PALM2AKAP2: variants seen among roughly 807,000 people sequenced by gnomAD.
PALM2AKAP2 encodes PALM2 and AKAP2 fusion, also known as PALM2-AKAP2 fusion protein.
A neutral mutation model predicts 71.5 loss-of-function variants in PALM2AKAP2; 37 were observed. The observed-to-expected ratio is 0.52, with a 90% CI of 0.40 to 0.68. The LOEUF (loss-of-function observed/expected upper bound fraction) is 0.68. Among genes scored for constraint, PALM2AKAP2 ranks in the 30% least tolerant of loss-of-function variants. The probability of loss-of-function intolerance (pLI) is 0.00; values close to 1 mark genes in which losing one functional copy is unlikely to be tolerated. For missense variants in PALM2AKAP2, 1,224 were observed against 1,191.8 expected (o/e 1.03, Z -0.40); for synonymous variants, 468 against 478.8 (o/e 0.98, Z 0.29).
chr9:109,831,874 A>T (rs1369200995), intron 1 of PALM2AKAP2, among the ~76,000 whole-genome samples: 1 of 152,142 alleles, frequency 6.6e-6, no homozygotes, highest in African/African-American at 2.4e-5. Flanking sequence ...AATCTAAAAG[A>T]TTCTCATTTT....
intron 1 of PALM2AKAP2, among the ~76,000 whole-genome samples, chr9:109,696,376 G>T (rs1827970662): frequency 6.6e-6 from 1 of 152,174 alleles, no homozygotes. Flanking sequence ...AGAGAAATGT[G>T]AATTAAAGTT....
chr9:109,835,985 C>G (rs1828463961), intron 1 of PALM2AKAP2, among the ~76,000 whole-genome samples: 1 of 152,228 alleles, frequency 6.6e-6, no homozygotes, highest in Non-Finnish European at 1.5e-5. Flanking sequence ...GCAGCAGAAA[C>G]CTCTGCAGAC....
At chr9:109,645,765 G>A (rs1324116102) in intron 1 of PALM2AKAP2, among the ~76,000 whole-genome samples, 2 of 151,072 alleles carry the variant, frequency 1.3e-5, no homozygotes, top group Non-Finnish European at 3.0e-5. Flanking sequence ...GGGAAGGGTG[G>A]GAAGGCACAA....
intron 1 of PALM2AKAP2, among the ~76,000 whole-genome samples, chr9:109,866,382 T>C (rs959624052): frequency 6.6e-6 from 1 of 152,150 alleles, no homozygotes; most frequent in South Asian, 2.1e-4. Flanking sequence ...TCCAGTATAG[T>C]AAATGTCTCA....
intron 1 of PALM2AKAP2, 58 bp downstream of exon 1, chr9:109,780,591 C>T: frequency 1.2e-6 from 2 of 1,610,590 alleles, no homozygotes; most frequent in Non-Finnish European, 1.7e-6. Flanking sequence ...AGGGGGCCCC[C>T]GAGGGTTTCG....
At chr9:109,749,981 A>G (rs1270169795) in intron 1 of PALM2AKAP2, among the ~76,000 whole-genome samples, 1 of 152,232 alleles carries the variant, frequency 6.6e-6, no homozygotes, top group African/African-American at 2.4e-5. Context: ...CATCACTGAC[A>G]TGACTTTATT....
intron 3 of PALM2AKAP2, among the ~76,000 whole-genome samples, chr9:109,903,618 C>T (rs547582758): frequency 6.6e-6 from 1 of 152,238 alleles, no homozygotes; most frequent in African/African-American, 2.4e-5. Context: ...TGAACTTTCT[C>T]CTCCTAAGTA....
rs186559507 is a variant in PALM2AKAP2 at position 109,932,051 on chromosome 9, C to G, written c.496+23C>G. On this transcript the variant is annotated intron_variant, in intron 6 of 9. Coordinates refer to the PALM2AKAP2 transcript ENST00000302798. ...CTGGTAAGTCCTGGGGACCTTTGGA[C>G]GCTAGGATGGTCCAAGGGGCTTGCA... is the stretch of plus-strand genomic sequence containing the variant. The G allele has an allele frequency of 7.5e-6, 12 of 1,603,240 alleles. No homozygotes were observed. In the Middle Eastern group the frequency reaches 1.2e-3, roughly 165 times the overall value.
chr9:109,992,939 GTA>G lies in PALM2AKAP2; in HGVS notation c.497-23000_497-22999del, dbSNP rs372571970. 8.4e-3 allele frequency among the ~76,000 whole-genome samples: 1,164 copies of G among 138,906 alleles called. 13 individuals carry two copies. The highest frequency in any genetic ancestry group is 0.028 in the African/African-American group (1,080 of 38,226). 91.1% of individuals were successfully genotyped at this position (138,906 alleles called of 152,430 possible). A position where few individuals can be genotyped will look rare whatever the true frequency, so the allele number is the denominator to read the frequency against. On this transcript the variant is annotated intron_variant, in intron 6 of 9. Coordinates refer to the PALM2AKAP2 transcript ENST00000302798. The stretch of plus-strand genomic sequence containing the variant: ...TCTTTTCTTTTAAATTCATATATAT[GTA>G]TATATATATATATAGAGAGAGAGAG...
intron 1 of PALM2AKAP2, among the ~76,000 whole-genome samples, chr9:109,678,116 C>G (rs956287236): frequency 1.3e-5 from 2 of 152,156 alleles, no homozygotes; most frequent in African/African-American, 4.8e-5. Context: ...GGCCACACAG[C>G]TTTTCTTAGT....
At chr9:110,152,655 A>G (rs980904957) in intron 2 of PALM2AKAP2, among the ~76,000 whole-genome samples, 4 of 152,196 alleles carry the variant, frequency 2.6e-5, no homozygotes, top group African/African-American at 4.8e-5. Flanking sequence ...AGTGTCCACT[A>G]TTGGGGGAAG....
chr9:109,963,442 C>T (rs1265648491), intron 6 of PALM2AKAP2, among the ~76,000 whole-genome samples: 1 of 152,224 alleles, frequency 6.6e-6, no homozygotes, highest in African/African-American at 2.4e-5. Context: ...TACATTTCAT[C>T]TTCTCTTAAA....
intron 6 of PALM2AKAP2, among the ~76,000 whole-genome samples, chr9:109,994,915 C>A (rs534031097): frequency 6.6e-6 from 1 of 152,286 alleles, no homozygotes; most frequent in East Asian, 1.9e-4. Flanking sequence ...TATGCCTTGA[C>A]CTGGTGGTAC....
chr9:109,926,263 C>T (rs1308378364), intron 5 of PALM2AKAP2, among the ~76,000 whole-genome samples: 3 of 152,194 alleles, frequency 2.0e-5, no homozygotes, highest in African/African-American at 7.2e-5. Flanking sequence ...AACAAACAAA[C>T]AAACCTGTGA....
intron 1 of PALM2AKAP2, among the ~76,000 whole-genome samples, chr9:109,675,512 A>G (rs1013574505): frequency 5.9e-5 from 9 of 152,142 alleles, no homozygotes; most frequent in Admixed American, 2.0e-4. Context: ...TTGTTTGGCC[A>G]TGGTTGGCAT....
intron 2 of PALM2AKAP2, among the ~76,000 whole-genome samples, chr9:109,871,582 A>G (rs1829604158): frequency 6.6e-6 from 1 of 152,210 alleles, no homozygotes; most frequent in Admixed American, 6.5e-5. Flanking sequence ...CCATTCAGAT[A>G]GAACCCATGC....
intron 1 of PALM2AKAP2, among the ~76,000 whole-genome samples, chr9:109,834,780 C>T (rs1336478558): frequency 8.5e-5 from 13 of 152,214 alleles, no homozygotes; most frequent in Admixed American, 5.2e-4. Context: ...GCTGCAAAAA[C>T]TGAGTCTTAG....
chr9:109,833,853 C>T (rs889544092), intron 1 of PALM2AKAP2, among the ~76,000 whole-genome samples: 1 of 152,198 alleles, frequency 6.6e-6, no homozygotes, highest in Admixed American at 6.5e-5. Flanking sequence ...GGTCTTTCTC[C>T]TCAGTCCATA....
chr9:109,883,644 G>A (rs1406821678), intron 3 of PALM2AKAP2, among the ~76,000 whole-genome samples: 1 of 152,126 alleles, frequency 6.6e-6, no homozygotes, highest in Non-Finnish European at 1.5e-5. Context: ...TCCCATAAAG[G>A]ACACTCAGTC....
Sources: gnomAD v4.1 joint callset for allele counts (sites outside exome capture counted in the v4.1 genomes callset) on GRCh38, gnomAD v4.1.1 for gene constraint, MANE v1.5 for transcripts, NCBI Gene and HGNC (gene_info 2026-07-23, HGNC 2026-07-21) for gene names.